Variants in CTNND2 observed in about 807,000 individuals in gnomAD.
CTNND2 encodes catenin delta-2.
CTNND2 carries 22 observed loss-of-function variants against 144.4 expected under a neutral mutation model. That is an observed-to-expected ratio of 0.15 (90% confidence interval 0.11 to 0.22). The LOEUF (loss-of-function observed/expected upper bound fraction) is 0.22, where lower values mean the gene tolerates loss of function less well. Ranked by LOEUF, CTNND2 falls within the 10% of genes least tolerant of loss-of-function variation. The pLI is 1.00. For missense variants in CTNND2, 1,353 were observed against 1,618.8 expected (o/e 0.84, Z 2.82); for synonymous variants, 751 against 695.6 (o/e 1.08, Z -1.25).
At chr5:11,325,384 A>C (rs543422099) in intron 9 of CTNND2, among the ~76,000 whole-genome samples, 166 of 152,228 alleles carry the variant, frequency 1.1e-3, no homozygotes, top group African/African-American at 3.8e-3. Flanking sequence ...TGTGGGCATC[A>C]TTAGTACACA....
At chr5:11,512,379 T>C (rs182426731) in intron 3 of CTNND2, among the ~76,000 whole-genome samples, 40 of 152,356 alleles carry the variant, frequency 2.6e-4, no homozygotes, top group Non-Finnish European at 1.2e-4. Context: ...AGGATGTCCA[T>C]TAACAAAATT....
At chr5:11,008,135 T>C (rs1422434043) in intron 18 of CTNND2, among the ~76,000 whole-genome samples, 1 of 152,124 alleles carries the variant, frequency 6.6e-6, no homozygotes, top group Non-Finnish European at 1.5e-5. Context: ...CAGACTTTGA[T>C]CATTACACTC....
At chr5:11,587,402 A>ATC (rs1778945368) in intron 2 of CTNND2, among the ~76,000 whole-genome samples, 1 of 152,070 alleles carries the variant, frequency 6.6e-6, no homozygotes, top group Admixed American at 6.5e-5. Flanking sequence ...TGCCCTCAGA[A>ATC]TAATATCTTT....
intron 1 of CTNND2, among the ~76,000 whole-genome samples, chr5:11,891,722 T>C (rs1400810104): frequency 6.6e-6 from 1 of 152,170 alleles, no homozygotes; most frequent in Admixed American, 6.5e-5. Context: ...ATTTTAGACA[T>C]TCCAGCCTCT....
intron 16 of CTNND2, among the ~76,000 whole-genome samples, chr5:11,078,943 A>G (rs1203201061): frequency 1.3e-5 from 2 of 152,246 alleles, no homozygotes; most frequent in Admixed American, 6.5e-5. Flanking sequence ...AATTACAAGT[A>G]TGGTGAATCT....
chr5:11,760,123 T>C (rs1789176758), intron 1 of CTNND2, among the ~76,000 whole-genome samples: 1 of 151,598 alleles, frequency 6.6e-6, no homozygotes, highest in Non-Finnish European at 1.5e-5. Context: ...AAATAATTAA[T>C]ATAGCAATTG....
At chr5:11,451,630 G>A (rs1043431036) in intron 3 of CTNND2, among the ~76,000 whole-genome samples, 10 of 152,004 alleles carry the variant, frequency 6.6e-5, no homozygotes, top group South Asian at 2.1e-4. Context: ...CAAGCATTTC[G>A]GATAAATGAT....
intron 9 of CTNND2, among the ~76,000 whole-genome samples, chr5:11,245,716 T>C (rs986164828): frequency 1.3e-5 from 2 of 152,170 alleles, no homozygotes; most frequent in Admixed American, 6.5e-5. Flanking sequence ...AGTTTTGTGT[T>C]AATCTGTATT....
intron 2 of CTNND2, among the ~76,000 whole-genome samples, chr5:11,621,393 T>G (rs899020821): frequency 1.3e-5 from 2 of 152,166 alleles, no homozygotes; most frequent in Non-Finnish European, 1.5e-5. Context: ...GTAGCATCTT[T>G]GCTGATTTCA....
At chr5:11,690,504 C>T (rs561987035) in intron 2 of CTNND2, among the ~76,000 whole-genome samples, 41 of 151,888 alleles carry the variant, frequency 2.7e-4, no homozygotes, top group African/African-American at 8.7e-4. Flanking sequence ...GAGGCCGAGG[C>T]GGGTGGATCA....
At chr5:11,258,809 A>C (rs554869454) in intron 9 of CTNND2, among the ~76,000 whole-genome samples, 1 of 152,200 alleles carries the variant, frequency 6.6e-6, no homozygotes, top group Non-Finnish European at 1.5e-5. Flanking sequence ...TCAGAGGTGC[A>C]TTTCAACAGA....
At chr5:11,642,354 A>G (rs1182838201) in intron 2 of CTNND2, among the ~76,000 whole-genome samples, 1 of 152,192 alleles carries the variant, frequency 6.6e-6, no homozygotes, top group Non-Finnish European at 1.5e-5. Flanking sequence ...TGGCAATCAC[A>G]TATTTTAAAA....
intron 3 of CTNND2, among the ~76,000 whole-genome samples, chr5:11,505,805 C>T (rs541006409): frequency 4.6e-5 from 7 of 152,274 alleles, no homozygotes; most frequent in East Asian, 1.9e-4. Context: ...CCAAATTACA[C>T]AACTCAGCAG....
chr5:11,548,850 T>A lies in CTNND2; in HGVS notation c.287+16094A>T, dbSNP rs144852764. ...GGAGTTTATTTCTTTATTAGTTGATTATTTATTTGTTCTGACTCCAAGATC... is the reference window on the plus strand; with the variant it reads ...GGAGTTTATTTCTTTATTAGTTGATAATTTATTTGTTCTGACTCCAAGATC... On this transcript the variant is annotated intron_variant, in intron 3 of 21. Transcript: ENST00000304623. Among the ~76,000 whole-genome samples the A allele has an allele frequency of 1.3e-4, 20 of 152,318 alleles. No homozygotes were observed. In the East Asian group the frequency reaches 2.5e-3, roughly 19 times the overall value.
At chr5:11,554,586 AATCT>A (rs1389980629) in intron 3 of CTNND2, among the ~76,000 whole-genome samples, 1 of 152,202 alleles carries the variant, frequency 6.6e-6, no homozygotes, top group Non-Finnish European at 1.5e-5. Context: ...GACATGGTAT[AATCT>A]ATCTAACCCA....
In CTNND2 at chr5:11,643,104, G is replaced by A. The variant is rs542201092; in HGVS notation, c.175-78048C>T. On this transcript the variant is annotated intron_variant, in intron 2 of 21. Transcript: ENST00000304623. The stretch of plus-strand genomic sequence containing the variant: ...TCAGTTATAATCTATGTAAGCACTT[G>A]GCAGTTGAATTCTATTTCAAATTTA... Among the ~76,000 whole-genome samples, 9 of 152,216 alleles carry A rather than the reference G, an allele frequency of 5.9e-5. 1 individual carries two copies. In the South Asian group the frequency reaches 1.7e-3, roughly 28 times the overall value.
chr5:11,176,274 T>C (rs1386404691), intron 11 of CTNND2, among the ~76,000 whole-genome samples: 2 of 152,124 alleles, frequency 1.3e-5, no homozygotes, highest in South Asian at 2.1e-4. Flanking sequence ...TATTTAAAAA[T>C]CCAGGGGACA....
chr5:11,901,798 T>A (rs979497439), intron 1 of CTNND2, among the ~76,000 whole-genome samples: 7 of 152,126 alleles, frequency 4.6e-5, no homozygotes, highest in Non-Finnish European at 7.4e-5. Context: ...CCGCTCTGGG[T>A]ACACACACAG....
intron 2 of CTNND2, among the ~76,000 whole-genome samples, chr5:11,620,548 C>T (rs929539394): frequency 1.3e-5 from 2 of 152,208 alleles, no homozygotes; most frequent in East Asian, 1.9e-4. Context: ...CCTCTGCCTC[C>T]TGACTGGCCC....
Sources: gnomAD v4.1 joint callset for allele counts (sites outside exome capture counted in the v4.1 genomes callset) on GRCh38, gnomAD v4.1.1 for gene constraint, MANE v1.5 for transcripts, NCBI Gene and HGNC (gene_info 2026-07-23, HGNC 2026-07-21) for gene names.